LINGO2: variants seen among roughly 807,000 people sequenced by gnomAD.
LINGO2 encodes the protein leucine rich repeat and Ig domain containing 2.
LINGO2 carries 14 observed loss-of-function variants against 30.6 expected under a neutral mutation model. The observed-to-expected ratio is 0.46, with a 90% CI of 0.30 to 0.72. The LOEUF is 0.72. Among genes scored for constraint, LINGO2 ranks in the 30% least tolerant of loss-of-function variants. The probability of loss-of-function intolerance (pLI) is 0.07; values close to 1 mark genes in which losing one functional copy is unlikely to be tolerated. For missense variants in LINGO2, 729 were observed against 751.7 expected (o/e 0.97, Z 0.35); for synonymous variants, 317 against 288.5 (o/e 1.10, Z -1.00).
At chr9:28,674,619 A>T (rs564668497), upstream of LINGO2, among the ~76,000 whole-genome samples, 2 of 152,310 alleles carry the variant, frequency 1.3e-5, no homozygotes, top group East Asian at 1.9e-4. Flanking sequence ...AAGGGAGAAT[A>T]CTTTTCCAGA....
chr9:28,879,734 T>C, the LINGO2 span, among the ~76,000 whole-genome samples: 1 of 152,166 alleles, frequency 6.6e-6, no homozygotes, highest in East Asian at 1.9e-4. Flanking sequence ...AATGGTTGAC[T>C]TTAACATCAC....
At chr9:28,816,755 A>T in the LINGO2 span, among the ~76,000 whole-genome samples, 1 of 152,348 alleles carries the variant, frequency 6.6e-6, no homozygotes, top group East Asian at 1.9e-4. Context: ...TGTAAAATGA[A>T]CTAGATATCT....
At chr9:28,841,324 T>C in the LINGO2 span, among the ~76,000 whole-genome samples, 1 of 151,872 alleles carries the variant, frequency 6.6e-6, no homozygotes. Context: ...GAACAAAAGA[T>C]TGGCACCTGA....
chr9:29,014,474 A>ATATCAACTCACTTTATAACAC, the LINGO2 span, among the ~76,000 whole-genome samples: 1 of 152,140 alleles, frequency 6.6e-6, no homozygotes, highest in Non-Finnish European at 1.5e-5. Context: ...AAACACTTTT[A>ATATCAACTCACTTTATAACAC]GATGTATCAA....
intron 4 of LINGO2, among the ~76,000 whole-genome samples, chr9:28,028,935 G>C (rs921716901): frequency 6.6e-6 from 1 of 152,000 alleles, no homozygotes; most frequent in African/African-American, 2.4e-5. Flanking sequence ...TTTAATCTTG[G>C]TACAGCAGGC....
At chr9:29,120,253 A>T in the LINGO2 span, among the ~76,000 whole-genome samples, 1 of 152,202 alleles carries the variant, frequency 6.6e-6, no homozygotes, top group Non-Finnish European at 1.5e-5. Flanking sequence ...AAATTAAAAT[A>T]AAAGTGGCAT....
chr9:29,102,458 C>T, the LINGO2 span, among the ~76,000 whole-genome samples: 14 of 151,980 alleles, frequency 9.2e-5, no homozygotes, highest in African/African-American at 2.9e-4. Context: ...TGGGAGCTGG[C>T]GTATAAAAGA....
At chr9:28,207,651 T>TA (rs1026406642) in intron 4 of LINGO2, among the ~76,000 whole-genome samples, 2 of 151,996 alleles carry the variant, frequency 1.3e-5, no homozygotes, top group African/African-American at 2.4e-5. Flanking sequence ...CATAACAAGC[T>TA]AAAAAAAGGT....
At chr9:28,899,811 C>T in the LINGO2 span, among the ~76,000 whole-genome samples, 2 of 152,164 alleles carry the variant, frequency 1.3e-5, no homozygotes, top group South Asian at 4.1e-4. Context: ...TGCTCAGGGC[C>T]AGGCTGTTCC....
At chr9:28,819,362 C>T in the LINGO2 span, among the ~76,000 whole-genome samples, 2 of 152,290 alleles carry the variant, frequency 1.3e-5, no homozygotes, top group East Asian at 3.9e-4. Flanking sequence ...CCCCTCCCCT[C>T]CCAAGTTGGC....
the LINGO2 span, among the ~76,000 whole-genome samples, chr9:28,687,328 T>G: frequency 6.6e-6 from 1 of 152,098 alleles, no homozygotes; most frequent in Non-Finnish European, 1.5e-5. Context: ...TAAGCCTAAG[T>G]GTAGGATTTC....
chr9:28,070,713 T>C (rs531389878), intron 4 of LINGO2, among the ~76,000 whole-genome samples: 20 of 149,536 alleles, frequency 1.3e-4, no homozygotes, highest in African/African-American at 5.1e-4. Context: ...TATTTTGTTT[T>C]GTTCTGTTTG....
intron 4 of LINGO2, among the ~76,000 whole-genome samples, chr9:28,076,766 T>A (rs1825635433): frequency 6.6e-6 from 1 of 152,162 alleles, no homozygotes; most frequent in Non-Finnish European, 1.5e-5. Flanking sequence ...TGGAGCACAT[T>A]AAAGGTCCAT....
chr9:28,549,772 G>C (rs1022490481), intron 1 of LINGO2, among the ~76,000 whole-genome samples: 7 of 151,486 alleles, frequency 4.6e-5, no homozygotes, highest in Admixed American at 1.3e-4. Context: ...ACATATAACA[G>C]ATAAATTTTA....
chr9:28,055,997 G>C (rs1413483141), intron 4 of LINGO2, among the ~76,000 whole-genome samples: 1 of 152,072 alleles, frequency 6.6e-6, no homozygotes, highest in African/African-American at 2.4e-5. Context: ...TTCATTATGA[G>C]ACGAAAAGAA....
intron 4 of LINGO2, among the ~76,000 whole-genome samples, chr9:28,111,584 T>A (rs925945193): frequency 6.6e-6 from 1 of 152,080 alleles, no homozygotes; most frequent in African/African-American, 2.4e-5. Context: ...TAGTTCAGAG[T>A]AATCATTCTT....
At chr9:28,642,631 G>T (rs911870364) in intron 1 of LINGO2, among the ~76,000 whole-genome samples, 1 of 151,950 alleles carries the variant, frequency 6.6e-6, no homozygotes, top group African/African-American at 2.4e-5. Context: ...CCTTAATTCT[G>T]TTATCACAAA....
At chr9:29,071,497 ATATATATATATATATATATATG>A in the LINGO2 span, among the ~76,000 whole-genome samples, 53 of 119,052 alleles carry the variant, frequency 4.5e-4, 1 homozygote, top group South Asian at 7.5e-4. Context: ...ATATATATAT[ATATATATATATATATATATATG>A]TATATGTATA....
the LINGO2 span, among the ~76,000 whole-genome samples, chr9:29,122,251 T>G: frequency 6.6e-6 from 1 of 152,036 alleles, no homozygotes; most frequent in Non-Finnish European, 1.5e-5. Context: ...AAAACAAATC[T>G]CATTGGTTCA....
Sources: gnomAD v4.1 joint callset for allele counts (sites outside exome capture counted in the v4.1 genomes callset) on GRCh38, gnomAD v4.1.1 for gene constraint, MANE v1.5 for transcripts, NCBI Gene and HGNC (gene_info 2026-07-23, HGNC 2026-07-21) for gene names.